TMEM132B: variants seen among roughly 807,000 people sequenced by gnomAD.
TMEM132B encodes transmembrane protein 132B.
A neutral mutation model predicts 90.8 loss-of-function variants in TMEM132B; 18 were observed. That is an observed-to-expected ratio of 0.20 (90% CI 0.14 to 0.29). The LOEUF (loss-of-function observed/expected upper bound fraction) is 0.29, where lower values mean the gene tolerates loss of function less well. Among genes scored for constraint, TMEM132B ranks in the 10% least tolerant of loss-of-function variants. The pLI is 1.00. For synonymous variants in TMEM132B, 504 were observed against 523.3 expected (o/e 0.96, Z 0.50); for missense variants, 1,096 against 1,326.8 (o/e 0.83, Z 2.70).
At chr12:125,327,804 A>G (rs1335628966) in intron 1 of TMEM132B, among the ~76,000 whole-genome samples, 1 of 152,206 alleles carries the variant, frequency 6.6e-6, no homozygotes, top group African/African-American at 2.4e-5. Context: ...TTTTAAAAAA[A>G]AAATCTGTGG....
intron 2 of TMEM132B, among the ~76,000 whole-genome samples, chr12:125,366,795 T>C (rs981600209): frequency 2.0e-5 from 3 of 152,210 alleles, no homozygotes; most frequent in South Asian, 2.1e-4. Flanking sequence ...GGAATGTCAA[T>C]TACACATATA....
intron 1 of TMEM132B, among the ~76,000 whole-genome samples, chr12:125,192,470 C>T (rs1372176276): frequency 1.3e-5 from 1 of 79,258 alleles, no homozygotes; most frequent in African/African-American, 3.7e-5. Context: ...GGAGAATTTT[C>T]CCCTCCCCCA....
rs755356130 is a variant in TMEM132B at position 125,251,051 on chromosome 12, T to G, written c.67+64185T>G. On this transcript the variant is annotated intron_variant, in intron 1 of 8. Coordinates refer to ENST00000682704, the MANE Select transcript of TMEM132B (RefSeq NM_001366854.1). This position sits in a 1 kb window ranked among gnomAD's most constrained non-coding sequence, Gnocchi z 4.4. ...AGAAGAGATCATTTCCGACTATTGC[T>G]AATTTAACAATAAGTGGAAAAGCAG... Among the ~76,000 whole-genome samples the G allele has an allele frequency of 5.9e-5, 9 of 152,180 alleles. No homozygotes were observed. Among genetic ancestry groups the G allele is most frequent in the Non-Finnish European group, 1.0e-4 (7 of 68,042 alleles).
At chr12:125,497,831 G>A (rs928488824) in intron 3 of TMEM132B, among the ~76,000 whole-genome samples, 9 of 152,184 alleles carry the variant, frequency 5.9e-5, no homozygotes, top group African/African-American at 1.9e-4. Context: ...CGCTCAGCAG[G>A]TGGCCAGGAG....
chr12:125,526,156 T>C (rs889053165), intron 4 of TMEM132B, among the ~76,000 whole-genome samples: 2 of 152,128 alleles, frequency 1.3e-5, no homozygotes, highest in African/African-American at 4.8e-5. Context: ...GCCTCCCTCC[T>C]CTGGGCCTCC....
Position 125,414,341 on chromosome 12 carries a change from A to T in TMEM132B, c.960-1190A>T, listed in dbSNP as rs1176013810. Among the ~76,000 whole-genome samples the T allele has an allele frequency of 2.0e-5, 3 of 151,110 alleles. No homozygotes were observed. In the East Asian group the frequency reaches 5.9e-4, roughly 30 times the overall value. On this transcript the variant is annotated intron_variant, in intron 2 of 8. Transcript: ENST00000682704. ...TAAATAGTGTCCTAGACCTGCTGCT[A>T]TGTGTGGATTTGATTAATTAATCTT...
intron 4 of TMEM132B, among the ~76,000 whole-genome samples, chr12:125,524,475 A>G (rs536250557): frequency 1.6e-4 from 25 of 152,356 alleles, no homozygotes; most frequent in Admixed American, 1.4e-3. Flanking sequence ...TTTGAACTCC[A>G]GTTACTAGCT....
intron 1 of TMEM132B, among the ~76,000 whole-genome samples, chr12:125,303,136 A>C (rs1875873942): frequency 6.6e-6 from 1 of 152,012 alleles, no homozygotes; most frequent in South Asian, 2.1e-4. Context: ...CTATTAAGCA[A>C]AAACTCCTCA....
chr12:125,541,275 T>C (rs113575168), intron 4 of TMEM132B, among the ~76,000 whole-genome samples: 2 of 152,220 alleles, frequency 1.3e-5, no homozygotes, highest in East Asian at 1.9e-4. Flanking sequence ...ATATTTGTTA[T>C]TGAGCAGGAA....
chr12:125,289,266 C>T (rs1010432225), intron 1 of TMEM132B, among the ~76,000 whole-genome samples: 1 of 152,164 alleles, frequency 6.6e-6, no homozygotes, highest in Non-Finnish European at 1.5e-5. Context: ...CCTGGCCTTT[C>T]AAGAAGGTTC....
chr12:125,610,364 C>T (rs1885796349), intron 5 of TMEM132B, among the ~76,000 whole-genome samples: 1 of 152,092 alleles, frequency 6.6e-6, no homozygotes, highest in South Asian at 2.1e-4. Flanking sequence ...CACTGTTAAG[C>T]TTGATGTTAG....
In TMEM132B at chr12:125,654,659, G is replaced by A. The variant is rs755961469; in HGVS notation, c.3201G>A (p.Gly1067=). The A allele has an allele frequency of 3.7e-6, 6 of 1,614,152 alleles. No homozygotes were observed. The highest frequency in any genetic ancestry group is 5.1e-6 in the Non-Finnish European group (6 of 1,180,030). ...IKWVCQDMGL[G]DSQDFRDYME... is the part of the protein sequence containing the mutation. ...GGGTCTGCCAAGATATGGGGCTGGG[G>A]GATTCACAGGACTTTAGAGACTATA... The change falls in exon 9 of 9, where the codon GGG becomes GGA. Residue 1067 remains glycine (G), a synonymous_variant. Transcript: ENST00000682704. This position sits in a 1 kb window ranked among gnomAD's most constrained non-coding sequence, Gnocchi z 5.8.
chr12:125,635,688 C>T (rs1299278581), intron 5 of TMEM132B, among the ~76,000 whole-genome samples: 2 of 152,168 alleles, frequency 1.3e-5, no homozygotes, highest in Non-Finnish European at 1.5e-5. Flanking sequence ...AATGGCATTT[C>T]TGGTTCTAGA....
At chr12:125,205,630 C>T (rs551760531) in intron 1 of TMEM132B, among the ~76,000 whole-genome samples, 6 of 152,248 alleles carry the variant, frequency 3.9e-5, no homozygotes, top group African/African-American at 9.6e-5. Context: ...CGGGCATGGC[C>T]GGGGCTGCTG....
chr12:125,284,453 G>A (rs1035831398), intron 1 of TMEM132B, among the ~76,000 whole-genome samples: 2 of 152,210 alleles, frequency 1.3e-5, no homozygotes, highest in Non-Finnish European at 2.9e-5. Context: ...CTGCCGTGGA[G>A]CAGGGGTTAG....
At position 125,571,162 on chromosome 12, in the gene TMEM132B, C is replaced by T. The variant is rs117149371; in HGVS notation, c.1294-12689C>T. Among the ~76,000 whole-genome samples, 319 of 152,302 alleles carry T rather than the reference C, an allele frequency of 2.1e-3. 1 individual carries two copies. The highest frequency in any genetic ancestry group is 3.8e-3 in the Non-Finnish European group (260 of 68,022). On this transcript the variant is annotated intron_variant, in intron 4 of 8. Coordinates refer to ENST00000682704, the MANE Select transcript of TMEM132B (RefSeq NM_001366854.1). The stretch of plus-strand genomic sequence containing the variant: ...AGTGAGGAGCTGAGAGGAGACCCAG[C>T]GCAGCAGCCGGGATCGGGGACTCTG...
At chr12:125,356,185 A>G (rs932113213) in intron 2 of TMEM132B, among the ~76,000 whole-genome samples, 1 of 152,126 alleles carries the variant, frequency 6.6e-6, no homozygotes, top group Admixed American at 6.5e-5. Flanking sequence ...TCACACAGAG[A>G]GCCTCCTGGG....
At chr12:125,491,555 G>A (rs139215328) in intron 3 of TMEM132B, among the ~76,000 whole-genome samples, 45 of 152,292 alleles carry the variant, frequency 3.0e-4, no homozygotes, top group African/African-American at 1.1e-3. Context: ...TGTGCCATTG[G>A]CATATTCAAT....
intron 5 of TMEM132B, among the ~76,000 whole-genome samples, chr12:125,642,635 C>T (rs1886660374): frequency 6.6e-6 from 1 of 152,198 alleles, no homozygotes; most frequent in South Asian, 2.1e-4. Context: ...ACTCCAGTAA[C>T]TCTTCAGCAA....
Sources: gnomAD v4.1 joint callset for allele counts (sites outside exome capture counted in the v4.1 genomes callset) on GRCh38, gnomAD v4.1.1 for gene constraint, Gnocchi (gnomAD v3.1) non-coding constraint, MANE v1.5 for transcripts, NCBI Gene and HGNC (gene_info 2026-07-23, HGNC 2026-07-21) for gene names.